The following MROH2B variants were observed in gnomAD, a reference collection of about 807,000 sequenced individuals.
MROH2B encodes the protein maestro heat like repeat family member 2B, also known as maestro heat-like repeat-containing protein family member 2B.
A neutral mutation model predicts 208.6 loss-of-function variants in MROH2B; 177 were observed. The ratio of observed to expected loss-of-function variants is 0.85; its 90% CI spans 0.75 to 0.96. The LOEUF is 0.96. Ranked by LOEUF, MROH2B falls within the 40% of genes least tolerant of loss-of-function variation. MROH2B has a pLI of 0.00. For synonymous variants in MROH2B, 728 were observed against 659.0 expected (o/e 1.10, Z -1.60); for missense variants, 2,002 against 1,878.7 (o/e 1.07, Z -1.21).
At chr5:41,010,170 T>G in intron 30 of MROH2B, 91 bp from the exon 31 acceptor site, 2 of 1,164,320 alleles carry the variant, frequency 1.7e-6, no homozygotes, top group Non-Finnish European at 2.4e-6. Context: ...GATGGGCAGC[T>G]GATGAATTCT....
At chr5:41,067,631 G>T (rs1006778658) in intron 2 of MROH2B, among the ~76,000 whole-genome samples, 1 of 152,168 alleles carries the variant, frequency 6.6e-6, no homozygotes, top group African/African-American at 2.4e-5. Context: ...GTCTCCCAAA[G>T]TGCTGGGATT....
chr5:41,010,001 C>G lies in MROH2B; in HGVS notation c.3214G>C (p.Glu1072Gln). Residue 1072 changes from glutamate to glutamine, a missense_variant, in exon 31 of 42, where the codon GAA becomes CAA. By Grantham distance (29) the Glu-to-Gln change is conservative (BLOSUM62 2). Coordinates refer to ENST00000399564, the MANE Select transcript of MROH2B (RefSeq NM_173489.5). ...QKEESFQFIL[E>Q]AISQIASFHM... ...AAGCTGGCTATCTGGGAGATGGCTT[C>G]TAGAATGAACTGAAAACTTTCTTCT... 6.2e-7 allele frequency: 1 copy of G among 1,613,840 alleles called. No individual in the cohort carries two copies. Among genetic ancestry groups the G allele is most frequent in the Non-Finnish European group, 8.5e-7 (1 of 1,179,806 alleles).
chr5:41,067,407 G>T (rs1419716310), intron 2 of MROH2B, among the ~76,000 whole-genome samples, 189 bp from the exon 3 acceptor site: 4 of 151,140 alleles, frequency 2.6e-5, no homozygotes, highest in African/African-American at 9.7e-5. Context: ...GCTCTTTTTG[G>T]CCAGGCTGGA....
chr5:41,022,971 C>T (rs1437722765), intron 24 of MROH2B, among the ~76,000 whole-genome samples: 1 of 152,208 alleles, frequency 6.6e-6, no homozygotes, highest in East Asian at 1.9e-4. Flanking sequence ...AACAGACCTG[C>T]AGCTGAGGGT....
chr5:41,070,846 G>C lies in MROH2B; in HGVS notation c.7C>G (p.Leu3Val), dbSNP rs754152435. The change falls in exon 1 of 42, where the codon CTT (leucine) becomes GTT (valine). Residue 3 changes from leucine to valine, a missense_variant. By Grantham distance (32) the Leu-to-Val change is conservative (BLOSUM62 1). Coordinates refer to ENST00000399564, the MANE Select transcript of MROH2B (RefSeq NM_173489.5). Reference sequence around the variant, plus strand: ...TTACCTATGGATTCCTCTGTACTAAGTGTCATGTCTTGGCTGTTTCAGGGT... The same window carrying C: ...TTACCTATGGATTCCTCTGTACTAACTGTCATGTCTTGGCTGTTTCAGGGT... MT[L>V]STEESIEMFG... 1.2e-6 allele frequency: 2 copies of C among 1,611,190 alleles called. No individual in the cohort carries two copies. The highest frequency in any genetic ancestry group is 2.2e-5 in the East Asian group (1 of 44,852).
intron 6 of MROH2B, 40 bp downstream of exon 6, chr5:41,061,530 A>G (rs776932509): frequency 1.1e-5 from 17 of 1,548,516 alleles, no homozygotes; most frequent in Admixed American, 2.0e-5. Flanking sequence ...CAACCAGCAT[A>G]TAGGGACATC....
At position 41,033,814 on chromosome 5, in the gene MROH2B, TATCTATCTATCTATC is replaced by T. The variant is rs768151260; in HGVS notation, c.2241+9_2241+23del. On this transcript the variant is annotated intron_variant, in intron 22 of 41. Transcript: ENST00000399564. ...CTATCTATCTATCTATCTATCTATC[TATCTATCTATCTATC>T]TCTCCTACCTTGTTCATCACAGACA... 18 of 1,024,060 alleles carry T rather than the reference TATCTATCTATCTATC, an allele frequency of 1.8e-5. No homozygotes were observed. The highest frequency in any genetic ancestry group is 1.1e-4 in the African/African-American group (5 of 47,112). The allele number at this position is 1,024,060 out of a possible 1,614,324, so 63.4% of individuals were successfully genotyped here.
At chr5:41,058,029 C>G (rs759139008) in intron 7 of MROH2B, 34 bp downstream of exon 7, 1 of 1,463,144 alleles carries the variant, frequency 6.8e-7, no homozygotes, top group Admixed American at 2.4e-5. Context: ...CATGCGGGTT[C>G]TCTGATTCAG....
intron 23 of MROH2B, 28 bp downstream of exon 23, chr5:41,033,013 C>G (rs1742626432): frequency 1.2e-6 from 2 of 1,611,984 alleles, no homozygotes; most frequent in Middle Eastern, 3.3e-4. Flanking sequence ...TACTCAGGGC[C>G]TTTCTTATTC....
rs957647390 is a variant in MROH2B at position 41,007,399 on chromosome 5, C to T, written c.3664G>A (p.Ala1222Thr). ...TTGTCCCCCTCATCAGATTCCTTTG[C>T]AAGGCCTTCTCTCATGGCTTGGGCT... ...LQAQAMREGL[A>T]KESDEGDNLW... Residue 1222 changes from alanine (A) to threonine (T), a missense_variant, in exon 34 of 42, where the codon GCA becomes ACA. By Grantham distance (58) the Ala-to-Thr change is moderately conservative (BLOSUM62 0). Coordinates refer to ENST00000399564, the MANE Select transcript of MROH2B (RefSeq NM_173489.5). 1.9e-6 allele frequency: 3 copies of T among 1,565,898 alleles called. No individual in the cohort carries two copies. In the African/African-American group the frequency reaches 4.1e-5, roughly 21 times the overall value.
intron 24 of MROH2B, among the ~76,000 whole-genome samples, chr5:41,020,371 G>A (rs1246300225): frequency 2.6e-5 from 4 of 152,106 alleles, no homozygotes; most frequent in Admixed American, 6.5e-5. Flanking sequence ...TCAGCTTCAA[G>A]ATTGATTTAT....
chr5:41,048,427 C>T lies in MROH2B; in HGVS notation c.1581G>A (p.Gly527=), dbSNP rs745650291. ...TCTTCAAAAGCCCTATTGCACCAGC[C>T]CCACGTAACTCCCCTAAACTGGCAG... ...SMPASLGELR[G]AGAIGLLKIL... Residue 527 remains glycine, a synonymous_variant, in exon 16 of 42, where the codon GGG becomes GGA. Coordinates refer to ENST00000399564, the MANE Select transcript of MROH2B (RefSeq NM_173489.5). 1.9e-6 allele frequency: 3 copies of T among 1,613,288 alleles called. No individual in the cohort carries two copies. The highest frequency in any genetic ancestry group is 2.7e-5 in the African/African-American group (2 of 74,870).
chr5:41,009,018 A>C (rs1018009565), intron 32 of MROH2B, among the ~76,000 whole-genome samples: 7 of 152,210 alleles, frequency 4.6e-5, no homozygotes, highest in Non-Finnish European at 8.8e-5. Context: ...GGGGTTTTTC[A>C]ACAAAAAGGG....
At chr5:41,025,249 G>A (rs1006884577) in intron 24 of MROH2B, among the ~76,000 whole-genome samples, 13 of 151,852 alleles carry the variant, frequency 8.6e-5, no homozygotes, top group Non-Finnish European at 1.2e-4. Context: ...TCTAGGAGCT[G>A]GTTTTTTGAA....
intron 33 of MROH2B, among the ~76,000 whole-genome samples, 175 bp downstream of exon 33, chr5:41,008,431 G>T (rs1481420973): frequency 6.6e-6 from 1 of 152,106 alleles, no homozygotes; most frequent in Non-Finnish European, 1.5e-5. Context: ...ACTGGATACT[G>T]GCTCAAGAAG....
In MROH2B at chr5:41,001,117, G is replaced by GACCAC. The variant is rs375943691; in HGVS notation, c.4195-289_4195-285dup. On this transcript the variant is annotated intron_variant, in intron 37 of 41. Transcript: ENST00000399564. Reference sequence around the variant, plus strand: ...GTAGCCAGTGGGGAAGTGTGACCAGGACCACAGGAATGATACACAGGGGTA... The same window carrying GACCAC: ...GTAGCCAGTGGGGAAGTGTGACCAGGACCACACCACAGGAATGATACACAGGGGTA... Among the ~76,000 whole-genome samples, 13 of 152,260 alleles carry GACCAC rather than the reference G, an allele frequency of 8.5e-5. 1 individual carries two copies. Among genetic ancestry groups the GACCAC allele is most frequent in the African/African-American group, 3.1e-4 (13 of 41,572 alleles).
At chr5:41,045,511 C>G (rs1253640787) in intron 18 of MROH2B, among the ~76,000 whole-genome samples, 2 of 152,178 alleles carry the variant, frequency 1.3e-5, no homozygotes, top group African/African-American at 4.8e-5. Context: ...TCTATCTTAT[C>G]TACCTCTCAG....
chr5:41,038,740 G>A lies in MROH2B; in HGVS notation c.2210C>T (p.Ser737Phe). 2.5e-6 allele frequency: 4 copies of A among 1,610,020 alleles called. No individual in the cohort carries two copies. The highest frequency in any genetic ancestry group is 1.9e-4 in the Middle Eastern group (1 of 5,336). Reference sequence around the variant, plus strand: ...CAGCCATGCAACGGGCATTACCTGAGAGCACTGGCCATGAAGAGACAGGAC... The same window carrying A: ...CAGCCATGCAACGGGCATTACCTGAAAGCACTGGCCATGAAGAGACAGGAC... ...SQVLSLHGQC[S>F]QVLGMSVMNK... Residue 737 changes from serine (S) to phenylalanine (F), a missense_variant, in exon 21 of 42, where the codon TCT becomes TTT. By Grantham distance (155) the Ser-to-Phe change is radical. Coordinates refer to ENST00000399564, the MANE Select transcript of MROH2B (RefSeq NM_173489.5).
chr5:41,028,604 T>C (rs944104300), intron 24 of MROH2B, among the ~76,000 whole-genome samples: 2 of 152,304 alleles, frequency 1.3e-5, no homozygotes, highest in Non-Finnish European at 1.5e-5. Flanking sequence ...AGTATAATGT[T>C]GTACAGGTCC....
Sources: gnomAD v4.1 joint callset for allele counts (sites outside exome capture counted in the v4.1 genomes callset) on GRCh38, gnomAD v4.1.1 for gene constraint, MANE v1.5 for transcripts, NCBI Gene and HGNC (gene_info 2026-07-23, HGNC 2026-07-21) for gene names.